The following RGS6 variants were observed in gnomAD, a reference collection of about 807,000 sequenced individuals.
RGS6 encodes the protein regulator of G-protein signaling 6.
A neutral mutation model predicts 78.5 loss-of-function variants in RGS6; 30 were observed. The ratio of observed to expected loss-of-function variants is 0.38; its 90% CI spans 0.29 to 0.52. RGS6 has a LOEUF of 0.52. Ranked by LOEUF, RGS6 falls within the 20% of genes least tolerant of loss-of-function variation. The pLI is 0.85. For synonymous variants in RGS6, 206 were observed against 206.0 expected (o/e 1.00, Z 0.00); for missense variants, 495 against 609.7 (o/e 0.81, Z 1.98).
chr14:72,496,969 C>T (rs993782504), intron 13 of RGS6, among the ~76,000 whole-genome samples: 19 of 152,090 alleles, frequency 1.2e-4, no homozygotes, highest in African/African-American at 4.1e-4. Flanking sequence ...CCCCTGGCAC[C>T]GGTGAAGTAA....
At chr14:72,053,863 A>G (rs1252593311) in intron 2 of RGS6, among the ~76,000 whole-genome samples, 1 of 152,176 alleles carries the variant, frequency 6.6e-6, no homozygotes, top group Non-Finnish European at 1.5e-5. Flanking sequence ...AAAATTGCTG[A>G]CCTTACACTT....
In RGS6 at chr14:72,487,198, G is replaced by T. The variant is rs533800904; in HGVS notation, c.855-7954G>T. Among the ~76,000 whole-genome samples the T allele has an allele frequency of 4.6e-5, 7 of 152,358 alleles. No individual in the cohort carries two copies. In the East Asian group the frequency reaches 5.8e-4, roughly 13 times the overall value. Reference sequence around the variant, plus strand: ...ATGAACACTGGGTTTATTTGCGTGGGTTGTGATAGTGGCAGCAAAATAAAA... The same window carrying T: ...ATGAACACTGGGTTTATTTGCGTGGTTTGTGATAGTGGCAGCAAAATAAAA... On this transcript the variant is annotated intron_variant, in intron 12 of 17. Coordinates refer to ENST00000553525, the MANE Select transcript of RGS6 (RefSeq NM_001204424.2).
intron 15 of RGS6, among the ~76,000 whole-genome samples, chr14:72,519,285 A>G (rs773710961): frequency 5.9e-5 from 9 of 152,222 alleles, no homozygotes; most frequent in Admixed American, 4.6e-4. Flanking sequence ...ATTTCTAAAA[A>G]TAAGCATTGG....
At chr14:72,556,694 G>A (rs1283347860) in intron 17 of RGS6, among the ~76,000 whole-genome samples, 1 of 128,670 alleles carries the variant, frequency 7.8e-6, no homozygotes, top group African/African-American at 3.1e-5. Flanking sequence ...GGGGGGCGGG[G>A]TGGGGGGTGC....
intron 15 of RGS6, among the ~76,000 whole-genome samples, chr14:72,528,473 G>A (rs1023307885): frequency 6.6e-5 from 10 of 152,132 alleles, no homozygotes; most frequent in African/African-American, 2.4e-4. Context: ...GTGTGATTTA[G>A]AGCCCTAGAG....
At chr14:71,948,346 T>C (rs1033314081) in intron 1 of RGS6, among the ~76,000 whole-genome samples, 2 of 152,152 alleles carry the variant, frequency 1.3e-5, no homozygotes, top group African/African-American at 4.8e-5. Flanking sequence ...GCCAGGACAG[T>C]CCACAGTGGT....
chr14:72,475,251 C>A (rs1189334881), intron 10 of RGS6, among the ~76,000 whole-genome samples: 1 of 130,456 alleles, frequency 7.7e-6, no homozygotes. Flanking sequence ...CAAACTCAAA[C>A]CACCATCTTG....
At chr14:72,242,959 C>T (rs1221738869) in intron 2 of RGS6, among the ~76,000 whole-genome samples, 1 of 150,936 alleles carries the variant, frequency 6.6e-6, no homozygotes, top group Non-Finnish European at 1.5e-5. Flanking sequence ...AGCAGTTCTC[C>T]TGCCTCAGCT....
chr14:72,434,187 A>G (rs960139536), intron 3 of RGS6, among the ~76,000 whole-genome samples: 14 of 151,962 alleles, frequency 9.2e-5, no homozygotes, highest in Non-Finnish European at 1.9e-4. Context: ...AAATTAAAAA[A>G]TTATCCAGAG....
chr14:72,403,704 C>T (rs1047535519), intron 3 of RGS6, among the ~76,000 whole-genome samples: 1 of 151,752 alleles, frequency 6.6e-6, no homozygotes, highest in Non-Finnish European at 1.5e-5. Flanking sequence ...CACTCTATAC[C>T]CTATAAAGAT....
chr14:72,052,975 TTCTTTCTTTCTC>T lies in RGS6; in HGVS notation c.84+88104_84+88115del, dbSNP rs1429164318. Among the ~76,000 whole-genome samples, 404 of 51,336 alleles carry T rather than the reference TTCTTTCTTTCTC, an allele frequency of 7.9e-3. 5 individuals carry two copies. Among genetic ancestry groups the T allele is most frequent in the African/African-American group, 0.017 (129 of 7,476 alleles). The allele number at this position is 51,336 out of a possible 152,430, so 33.7% of individuals were successfully genotyped here. A position where few individuals can be genotyped will look rare whatever the true frequency, so the allele number is the denominator to read the frequency against. ...TTTCTTTCTTTCTTTCTTTCTTTCTTTCTTTCTTTCTCTCTCTCTCTCTCTCTCTCTTTCTTT... is the reference window on the plus strand; with the variant it reads ...TTTCTTTCTTTCTTTCTTTCTTTCTTTCTCTCTCTCTCTCTCTCTTTCTTT... On this transcript the variant is annotated intron_variant, in intron 2 of 17. Coordinates refer to ENST00000553525, the MANE Select transcript of RGS6 (RefSeq NM_001204424.2).
chr14:72,600,667 T>C, the RGS6 span, among the ~76,000 whole-genome samples: 1 of 152,188 alleles, frequency 6.6e-6, no homozygotes, highest in Non-Finnish European at 1.5e-5. Context: ...CCCAGGGATC[T>C]TGTCCATGTT....
intron 2 of RGS6, among the ~76,000 whole-genome samples, chr14:72,343,674 C>A (rs1297936528): frequency 6.6e-6 from 1 of 152,174 alleles, no homozygotes; most frequent in Non-Finnish European, 1.5e-5. Flanking sequence ...CTTAGGTGAG[C>A]CCGGGCCACC....
At chr14:71,973,184 AG>A (rs2093917002) in intron 2 of RGS6, among the ~76,000 whole-genome samples, 1 of 152,160 alleles carries the variant, frequency 6.6e-6, no homozygotes, top group Non-Finnish European at 1.5e-5. Flanking sequence ...CTAACATTCT[AG>A]GTCTTTTGTA....
At chr14:72,145,027 T>C (rs2096589649) in intron 2 of RGS6, among the ~76,000 whole-genome samples, 1 of 151,338 alleles carries the variant, frequency 6.6e-6, no homozygotes, top group South Asian at 2.1e-4. Context: ...TCGAAGTGAG[T>C]TTTTCTTGCT....
At chr14:72,270,000 A>T (rs2059693093) in intron 2 of RGS6, among the ~76,000 whole-genome samples, 1 of 152,252 alleles carries the variant, frequency 6.6e-6, no homozygotes, top group African/African-American at 2.4e-5. Flanking sequence ...AAGGGGGGAT[A>T]CAACAAAAAG....
intron 2 of RGS6, among the ~76,000 whole-genome samples, chr14:71,982,107 C>T (rs775522919): frequency 7.2e-5 from 11 of 152,214 alleles, no homozygotes; most frequent in Non-Finnish European, 1.3e-4. Context: ...TGACCCCTTG[C>T]GCTTCCCGAG....
At chr14:72,354,361 C>T (rs766737351) in intron 3 of RGS6, among the ~76,000 whole-genome samples, 5 of 151,712 alleles carry the variant, frequency 3.3e-5, no homozygotes, top group African/African-American at 7.3e-5. Flanking sequence ...TGCCGTGACT[C>T]ATGCCTATAA....
At chr14:72,558,808 T>C (rs570653972) in intron 17 of RGS6, among the ~76,000 whole-genome samples, 81 of 152,330 alleles carry the variant, frequency 5.3e-4, no homozygotes, top group African/African-American at 1.8e-3. Context: ...TTTGTCGGTA[T>C]GCAAAGCTTT....
Sources: gnomAD v4.1 joint callset for allele counts (sites outside exome capture counted in the v4.1 genomes callset) on GRCh38, gnomAD v4.1.1 for gene constraint, MANE v1.5 for transcripts, NCBI Gene and HGNC (gene_info 2026-07-23, HGNC 2026-07-21) for gene names.